Variants in STARD13 observed in about 807,000 individuals in gnomAD.
STARD13 encodes stAR-related lipid transfer protein 13.
A neutral mutation model predicts 106.4 loss-of-function variants in STARD13; 62 were observed. The observed-to-expected ratio is 0.58, with a 90% CI of 0.48 to 0.72. STARD13 has a LOEUF of 0.72. Ranked by LOEUF, STARD13 falls within the 30% of genes least tolerant of loss-of-function variation. The pLI is 0.00. For missense variants in STARD13, 1,387 were observed against 1,424.0 expected, an observed-to-expected ratio of 0.97 and a Z score of 0.42; for synonymous variants, 565 against 553.0, an observed-to-expected ratio of 1.02 and a Z score of -0.31.
At chr13:33,314,417 C>A (rs1207095341) in intron 1 of STARD13, among the ~76,000 whole-genome samples, 1 of 152,216 alleles carries the variant, frequency 6.6e-6, no homozygotes, top group African/African-American at 2.4e-5. Flanking sequence ...ATGTCATGGG[C>A]AATGACGAAA....
intron 1 of STARD13, among the ~76,000 whole-genome samples, chr13:33,207,615 G>T (rs1247822030): frequency 6.6e-6 from 1 of 152,252 alleles, no homozygotes; most frequent in Middle Eastern, 3.4e-3. Context: ...ATTTCGTCCA[G>T]CTTTCTACAC....
chr13:33,579,566 A>C, the STARD13 span, among the ~76,000 whole-genome samples: 1 of 151,762 alleles, frequency 6.6e-6, no homozygotes, highest in Non-Finnish European at 1.5e-5. Context: ...CTAAAATCTC[A>C]GATTGCACCA....
Position 33,177,873 on chromosome 13 carries a change from G to A in STARD13, c.170-10251C>T, listed in dbSNP as rs868587563. Among the ~76,000 whole-genome samples, 5 of 9,304 alleles carry A rather than the reference G, an allele frequency of 5.4e-4. No individual in the cohort carries two copies. In the African/African-American group the frequency reaches 5.8e-3, roughly 11 times the overall value. 6.1% of individuals were successfully genotyped at this position (9,304 alleles called of 152,430 possible). A position where few individuals can be genotyped will look rare whatever the true frequency, so the allele number is the denominator to read the frequency against. On this transcript the variant is annotated intron_variant, in intron 1 of 13. Transcript: ENST00000336934. ...AGGAAGGAAGGAAGGAAGGAAGGAA[G>A]GAAAGGAAGGAAGGAAGGAAGGAAG... is the stretch of plus-strand genomic sequence containing the variant.
At chr13:33,575,257 T>G in the STARD13 span, among the ~76,000 whole-genome samples, 61 of 152,224 alleles carry the variant, frequency 4.0e-4, no homozygotes, top group Non-Finnish European at 6.5e-4. Flanking sequence ...GCCTCTAATA[T>G]GTAAAAATGA....
intron 1 of STARD13, among the ~76,000 whole-genome samples, chr13:33,189,434 C>CAAA (rs1566062333): frequency 0.15 from 2,808 of 19,140 alleles, 67 homozygotes; most frequent in Middle Eastern, 0.33. Flanking sequence ...TTCCTCCTTT[C>CAAA]GGAGGAAGGA....
At chr13:33,550,094 AAC>A in the STARD13 span, among the ~76,000 whole-genome samples, 1 of 152,192 alleles carries the variant, frequency 6.6e-6, no homozygotes, top group African/African-American at 2.4e-5. Flanking sequence ...ACATGACCTA[AAC>A]ATTTTTAATG....
the STARD13 span, among the ~76,000 whole-genome samples, chr13:33,653,480 A>C: frequency 6.6e-6 from 1 of 152,204 alleles, no homozygotes; most frequent in Admixed American, 6.5e-5. Context: ...ATCCATTTGC[A>C]AAAGAATGAA....
chr13:33,287,388 G>A (rs1892107885), upstream of STARD13, among the ~76,000 whole-genome samples: 2 of 152,168 alleles, frequency 1.3e-5, no homozygotes, highest in Admixed American at 1.3e-4. Context: ...TCACGTAGTT[G>A]GTAATTGTCA....
the STARD13 span, among the ~76,000 whole-genome samples, chr13:33,604,224 C>T: frequency 6.6e-6 from 1 of 152,172 alleles, no homozygotes; most frequent in South Asian, 2.1e-4. Context: ...ATCAGCAATA[C>T]ATGTCAGACA....
At chr13:33,405,228 G>A in the STARD13 span, among the ~76,000 whole-genome samples, 1 of 152,238 alleles carries the variant, frequency 6.6e-6, no homozygotes, top group South Asian at 2.1e-4. Flanking sequence ...CCTTGGGAAG[G>A]GTGAGCCAGA....
the STARD13 span, among the ~76,000 whole-genome samples, chr13:33,427,815 C>T: frequency 4.6e-5 from 7 of 152,078 alleles, no homozygotes; most frequent in African/African-American, 1.4e-4. Flanking sequence ...ATTAGCCGGG[C>T]GTGGTGATGC....
the STARD13 span, among the ~76,000 whole-genome samples, chr13:33,531,072 G>A: frequency 6.6e-6 from 1 of 152,236 alleles, no homozygotes; most frequent in African/African-American, 2.4e-5. Flanking sequence ...GGTCTTTCCT[G>A]TGCTATTCCT....
chr13:33,293,978 C>G (rs774413135), intron 1 of STARD13, among the ~76,000 whole-genome samples: 2 of 152,086 alleles, frequency 1.3e-5, no homozygotes, highest in African/African-American at 2.4e-5. Flanking sequence ...TCTAGAGAAC[C>G]CTGACTAATG....
At chr13:33,605,526 A>G in the STARD13 span, among the ~76,000 whole-genome samples, 1 of 152,064 alleles carries the variant, frequency 6.6e-6, no homozygotes, top group Non-Finnish European at 1.5e-5. Context: ...GGTAACAACA[A>G]CAACAAAAAA....
chr13:33,199,793 A>C (rs946583037), intron 1 of STARD13, among the ~76,000 whole-genome samples: 2 of 152,178 alleles, frequency 1.3e-5, no homozygotes, highest in South Asian at 2.1e-4. Flanking sequence ...TTAGTTTGAG[A>C]AATTGTATCT....
the STARD13 span, among the ~76,000 whole-genome samples, chr13:33,399,808 A>C: frequency 1.3e-5 from 2 of 151,950 alleles, no homozygotes; most frequent in African/African-American, 4.8e-5. Context: ...ATTTTAGAAT[A>C]GGCACAAGGA....
chr13:33,376,138 G>A, the STARD13 span, among the ~76,000 whole-genome samples: 1 of 152,060 alleles, frequency 6.6e-6, no homozygotes, highest in Non-Finnish European at 1.5e-5. Flanking sequence ...TAAGCTTAAT[G>A]TGTAAAGCTA....
At chr13:33,479,690 A>T in the STARD13 span, among the ~76,000 whole-genome samples, 1 of 152,106 alleles carries the variant, frequency 6.6e-6, no homozygotes, top group Admixed American at 6.5e-5. Context: ...TGGAGGTGGC[A>T]TCTGGCAGGA....
the STARD13 span, among the ~76,000 whole-genome samples, chr13:33,634,096 C>T: frequency 1.3e-5 from 2 of 152,254 alleles, no homozygotes; most frequent in Admixed American, 6.5e-5. Context: ...AAAAGATGGC[C>T]ATCATATAAA....
Sources: gnomAD v4.1 joint callset for allele counts (sites outside exome capture counted in the v4.1 genomes callset) on GRCh38, gnomAD v4.1.1 for gene constraint, MANE v1.5 for transcripts, NCBI Gene and HGNC (gene_info 2026-07-23, HGNC 2026-07-21) for gene names.